The following PALLD variants were observed in gnomAD, a reference collection of about 807,000 sequenced individuals.
PALLD encodes palladin, cytoskeletal associated protein.
A neutral mutation model predicts 123.5 loss-of-function variants in PALLD; 61 were observed. The observed-to-expected ratio is 0.49, with a 90% CI of 0.40 to 0.61. The LOEUF (loss-of-function observed/expected upper bound fraction) is 0.61. PALLD is among the 20% of genes least tolerant of loss of function. PALLD has a pLI of 0.00. For synonymous variants in PALLD, 465 were observed against 496.4 expected, an observed-to-expected ratio of 0.94 and a Z score of 0.84; for missense variants, 1,273 against 1,377.0, an observed-to-expected ratio of 0.92 and a Z score of 1.20.
At chr4:168,575,236 G>A (rs1271440973) in intron 2 of PALLD, among the ~76,000 whole-genome samples, 2 of 152,122 alleles carry the variant, frequency 1.3e-5, no homozygotes, top group Non-Finnish European at 2.9e-5. Flanking sequence ...CTGCTATAAA[G>A]AAATACCTGA....
At chr4:168,665,361 A>G (rs1440854068) in intron 2 of PALLD, among the ~76,000 whole-genome samples, 2 of 152,170 alleles carry the variant, frequency 1.3e-5, no homozygotes, top group African/African-American at 2.4e-5. Context: ...TGGCATATGA[A>G]TGTATTAAGC....
chr4:168,708,566 G>C (rs958116503), intron 8 of PALLD, among the ~76,000 whole-genome samples: 4 of 152,176 alleles, frequency 2.6e-5, no homozygotes, highest in Non-Finnish European at 5.9e-5. Flanking sequence ...TACAGGTCAT[G>C]TTCTTTTTTC....
intron 8 of PALLD, among the ~76,000 whole-genome samples, chr4:168,703,128 A>T (rs186228909): frequency 7.5e-6 from 1 of 134,122 alleles, no homozygotes; most frequent in Non-Finnish European, 1.5e-5. Context: ...CTCATTGTTC[A>T]GTTCCCACCT....
intron 2 of PALLD, among the ~76,000 whole-genome samples, chr4:168,524,471 A>T (rs886681870): frequency 5.3e-5 from 8 of 152,186 alleles, no homozygotes; most frequent in Non-Finnish European, 1.0e-4. Flanking sequence ...TCTAATTTTT[A>T]TGGGTACATA....
intron 10 of PALLD, among the ~76,000 whole-genome samples, chr4:168,859,995 C>T (rs1426931591): frequency 6.6e-6 from 1 of 152,156 alleles, no homozygotes; most frequent in Non-Finnish European, 1.5e-5. Context: ...TTGACACTTA[C>T]AACACGTCTC....
intron 10 of PALLD, among the ~76,000 whole-genome samples, chr4:168,808,710 C>T (rs1740604541): frequency 6.6e-6 from 1 of 152,194 alleles, no homozygotes; most frequent in Non-Finnish European, 1.5e-5. Context: ...AGGCACATCT[C>T]ACATGGCTGC....
chr4:168,732,106 C>A (rs1787233069), intron 10 of PALLD, among the ~76,000 whole-genome samples: 1 of 152,210 alleles, frequency 6.6e-6, no homozygotes. Flanking sequence ...GGAGATACTT[C>A]TGAATTCGCT....
chr4:168,725,687 C>G lies in PALLD; in HGVS notation c.1964+13764C>G, dbSNP rs183844783. 6.5e-3 allele frequency among the ~76,000 whole-genome samples: 980 copies of G among 151,812 alleles called. 10 individuals are homozygous for G. The highest frequency in any genetic ancestry group is 0.017 in the Middle Eastern group (5 of 294). On this transcript the variant is annotated intron_variant, in intron 10 of 21. Transcript: ENST00000505667. ...GACTACAGGCACCTGCCACCACGCCCGGCTAATTTTTTGTATTTTTAGTAC... is the reference window on the plus strand; with the variant it reads ...GACTACAGGCACCTGCCACCACGCCGGGCTAATTTTTTGTATTTTTAGTAC...
chr4:168,668,467 C>A, intron 3 of PALLD, 99 bp downstream of exon 3: 1 of 939,620 alleles, frequency 1.1e-6, no homozygotes, highest in Non-Finnish European at 1.6e-6. Context: ...ATGCAAATGG[C>A]ACAATGGTGT....
intron 6 of PALLD, among the ~76,000 whole-genome samples, chr4:168,687,414 A>G (rs1254430104): frequency 6.6e-6 from 1 of 152,236 alleles, no homozygotes; most frequent in East Asian, 1.9e-4. Context: ...AGAGGGGTGG[A>G]CACTCCACAT....
At chr4:168,792,839 T>A (rs1484009251) in intron 10 of PALLD, among the ~76,000 whole-genome samples, 1 of 151,480 alleles carries the variant, frequency 6.6e-6, no homozygotes, top group African/African-American at 2.4e-5. Flanking sequence ...CGATCTTGGC[T>A]CAGGGCAACC....
chr4:168,575,383 G>T (rs1769453525), intron 2 of PALLD, among the ~76,000 whole-genome samples: 1 of 151,908 alleles, frequency 6.6e-6, no homozygotes, highest in South Asian at 2.1e-4. Context: ...AGTGTATGTA[G>T]GAGGATCTGT....
chr4:168,713,800 G>GA (rs578166659), intron 10 of PALLD, among the ~76,000 whole-genome samples: 65 of 149,856 alleles, frequency 4.3e-4, no homozygotes, highest in Admixed American at 6.6e-4. Flanking sequence ...ATAAGATGCA[G>GA]AAAAAATGGA....
intron 10 of PALLD, among the ~76,000 whole-genome samples, chr4:168,761,296 A>T (rs1732790211): frequency 6.6e-6 from 1 of 152,116 alleles, no homozygotes; most frequent in Non-Finnish European, 1.5e-5. Flanking sequence ...TTCACCAATG[A>T]GTCCCCTGTG....
intron 2 of PALLD, among the ~76,000 whole-genome samples, chr4:168,627,846 T>C (rs1424861188): frequency 6.6e-6 from 1 of 151,492 alleles, no homozygotes; most frequent in Admixed American, 6.6e-5. Context: ...GGAAATAGAA[T>C]TGGCTCTTAA....
Position 168,925,005 on chromosome 4 carries a change from T to C in PALLD, c.3285T>C (p.Asp1095=), listed in dbSNP as rs1351812733. 2.5e-6 allele frequency: 4 copies of C among 1,614,020 alleles called. No individual in the cohort carries two copies. The highest frequency in any genetic ancestry group is 2.5e-6 in the Non-Finnish European group (3 of 1,179,990). The change falls in exon 20 of 22, where the codon GAT becomes GAC. Residue 1095 remains aspartate, a synonymous_variant. Transcript: ENST00000505667. ...TCATTCAGGGAGCCACAAAAGAAGA[T>C]GCTGGGTGGTATACTGTGTCAGCCA... The part of the protein sequence containing the change: ...CLLIQGATKE[D]AGWYTVSAKN...
intron 10 of PALLD, among the ~76,000 whole-genome samples, chr4:168,880,586 G>A (rs1752474527): frequency 6.6e-6 from 1 of 152,142 alleles, no homozygotes; most frequent in Non-Finnish European, 1.5e-5. Flanking sequence ...TTTGCATTCT[G>A]AATTAAAAAC....
intron 15 of PALLD, among the ~76,000 whole-genome samples, chr4:168,913,705 A>G (rs1277857014): frequency 6.6e-6 from 1 of 152,070 alleles, no homozygotes; most frequent in African/African-American, 2.4e-5. Flanking sequence ...GAGTTCCAAA[A>G]AAAGACCTTG....
At chr4:168,773,366 A>G (rs1734715710) in intron 10 of PALLD, among the ~76,000 whole-genome samples, 1 of 152,198 alleles carries the variant, frequency 6.6e-6, no homozygotes, top group Non-Finnish European at 1.5e-5. Flanking sequence ...AAGCCCTAGA[A>G]ATAGTCTGGA....
Sources: allele counts gnomAD v4.1 joint callset (sites outside exome capture counted in the v4.1 genomes callset), GRCh38; gene constraint gnomAD v4.1.1; transcripts MANE v1.5; gene names NCBI Gene and HGNC (gene_info 2026-07-23, HGNC 2026-07-21).